BUB1B: variants seen among roughly 807,000 people sequenced by gnomAD.
The protein encoded by BUB1B is mitotic checkpoint serine/threonine-protein kinase BUB1 beta.
Under a neutral mutation model 137.7 loss-of-function variants are expected in BUB1B, and 86 were observed. The ratio of observed to expected loss-of-function variants is 0.62; its 90% CI spans 0.52 to 0.75. BUB1B has a LOEUF of 0.75. BUB1B is among the 30% of genes least tolerant of loss of function. The pLI, the probability that BUB1B is intolerant of heterozygous loss-of-function variation, is 0.00. For missense variants in BUB1B, 1,130 were observed against 1,236.9 expected (o/e 0.91, Z 1.30); for synonymous variants, 420 against 417.9 (o/e 1.00, Z -0.06).
chr15:40,186,674 T>TGACCTAGTGCG (rs1312150680), intron 8 of BUB1B, among the ~76,000 whole-genome samples: 1 of 151,368 alleles, frequency 6.6e-6, no homozygotes, highest in African/African-American at 2.4e-5. Flanking sequence ...CTCGATCTCC[T>TGACCTAGTGCG]GACCTAGTGA....
At chr15:40,181,521 TTTC>T (rs2037293773) in intron 5 of BUB1B, among the ~76,000 whole-genome samples, 1 of 152,214 alleles carries the variant, frequency 6.6e-6, no homozygotes, top group African/African-American at 2.4e-5. Flanking sequence ...CTATTATCTC[TTTC>T]TTCTTTCTCT....
intron 8 of BUB1B, among the ~76,000 whole-genome samples, chr15:40,193,765 G>A (rs1264474401): frequency 6.6e-6 from 1 of 152,060 alleles, no homozygotes; most frequent in Non-Finnish European, 1.5e-5. Context: ...GTGGTGGCAG[G>A]TGCCTGTAAT....
chr15:40,195,422 T>G (rs1170818317), intron 8 of BUB1B, among the ~76,000 whole-genome samples: 1 of 152,212 alleles, frequency 6.6e-6, no homozygotes, highest in East Asian at 1.9e-4. Context: ...TTTGCAGTTG[T>G]GAATTATGCT....
At chr15:40,196,848 A>G in intron 9 of BUB1B, 74 bp downstream of exon 9, 1 of 1,338,972 alleles carries the variant, frequency 7.5e-7, no homozygotes, top group Non-Finnish European at 1.1e-6. Context: ...TTAAGTCTGA[A>G]GAAAACTAAC....
At chr15:40,215,185 A>C (rs2037760455) in intron 20 of BUB1B, among the ~76,000 whole-genome samples, 1 of 152,194 alleles carries the variant, frequency 6.6e-6, no homozygotes, top group Admixed American at 6.5e-5. Context: ...AAAGCCAGAA[A>C]GGGGCCGAGC....
At chr15:40,219,283 A>T (rs975776778) in intron 22 of BUB1B, among the ~76,000 whole-genome samples, 3 of 152,194 alleles carry the variant, frequency 2.0e-5, no homozygotes, top group Non-Finnish European at 4.4e-5. Context: ...TTTCTAAACT[A>T]TATGCTAATT....
chr15:40,214,600 A>G (rs2037751864), intron 20 of BUB1B, among the ~76,000 whole-genome samples: 1 of 152,190 alleles, frequency 6.6e-6, no homozygotes, highest in Non-Finnish European at 1.5e-5. Flanking sequence ...AAGAGATTGA[A>G]TTAGACTCTA....
At chr15:40,188,859 G>A (rs1037643505) in intron 8 of BUB1B, among the ~76,000 whole-genome samples, 2 of 151,978 alleles carry the variant, frequency 1.3e-5, no homozygotes, top group Admixed American at 1.3e-4. Context: ...GGGATTACAG[G>A]CATGAGCCAC....
At chr15:40,192,555 T>TTC (rs893803702) in intron 8 of BUB1B, among the ~76,000 whole-genome samples, 8 of 152,204 alleles carry the variant, frequency 5.3e-5, no homozygotes, top group Non-Finnish European at 1.0e-4. Flanking sequence ...GTTCATCCCT[T>TTC]TCTCTCTCTC....
chr15:40,187,726 C>G (rs765660825), intron 8 of BUB1B, among the ~76,000 whole-genome samples: 13 of 151,860 alleles, frequency 8.6e-5, no homozygotes, highest in African/African-American at 3.1e-4. Context: ...CTGGGCAACA[C>G]AGGGAGACCC....
intron 8 of BUB1B, among the ~76,000 whole-genome samples, chr15:40,189,655 A>G (rs576893988): frequency 6.6e-6 from 1 of 152,170 alleles, no homozygotes; most frequent in Non-Finnish European, 1.5e-5. Flanking sequence ...GCTATTATGG[A>G]TAATGCTGCT....
At chr15:40,217,425 T>C in intron 20 of BUB1B, 71 bp from the exon 21 acceptor site, 2 of 1,532,646 alleles carry the variant, frequency 1.3e-6, no homozygotes, top group Non-Finnish European at 1.8e-6. Context: ...ACCTTTTTTT[T>C]TTAAAGACCA....
intron 15 of BUB1B, among the ~76,000 whole-genome samples, chr15:40,208,075 G>A (rs190352878): frequency 1.3e-4 from 20 of 150,400 alleles, no homozygotes; most frequent in Admixed American, 2.6e-4. Flanking sequence ...AGCCATGATC[G>A]CACCACTGCC....
intron 2 of BUB1B, 55 bp downstream of exon 2, chr15:40,165,251 TA>T: frequency 1.9e-6 from 3 of 1,611,710 alleles, no homozygotes; most frequent in Non-Finnish European, 1.7e-6. Flanking sequence ...ATGTTGTAGA[TA>T]ACGTGGGTGT....
chr15:40,180,567 A>T (rs1290551523), intron 5 of BUB1B, among the ~76,000 whole-genome samples: 1 of 147,130 alleles, frequency 6.8e-6, no homozygotes, highest in East Asian at 2.1e-4. Flanking sequence ...TACCCAGCCA[A>T]CATTTCTTTT....
chr15:40,217,661 C>T lies in BUB1B; in HGVS notation c.2844C>T (p.Pro948=). 1.2e-6 allele frequency: 2 copies of T among 1,614,180 alleles called. No homozygotes were observed. Among genetic ancestry groups the T allele is most frequent in the Non-Finnish European group, 1.7e-6 (2 of 1,180,010 alleles). Residue 948 remains proline (P), a synonymous_variant, in exon 21 of 23, where the codon CCC becomes CCT. Transcript: ENST00000287598. ...GQKILANCSS[P]YQVDLFGIAD... is the part of the protein sequence containing the mutation. ...AGATCCTGGCTAACTGTTCTTCTCCCTACCAGGTAAGTGTAAAACAAGCCT... is the reference window on the plus strand; with the variant it reads ...AGATCCTGGCTAACTGTTCTTCTCCTTACCAGGTAAGTGTAAAACAAGCCT...
rs1248608160 is a variant in BUB1B at position 40,206,396 on chromosome 15, T to C, written c.1947T>C (p.Ser649=). ...AAGAAGATCTAGATGTAAAGACCTC[T>C]GAGGACCAGCAGACAGCTTGTGGCA... is the stretch of plus-strand genomic sequence containing the variant. ...LPEEDLDVKT[S]EDQQTACGTI... is the part of the protein sequence containing the mutation. Residue 649 remains serine, a synonymous_variant, in exon 15 of 23, where the codon TCT becomes TCC. Coordinates refer to ENST00000287598, the MANE Select transcript of BUB1B (RefSeq NM_001211.6). The C allele has an allele frequency of 1.9e-6, 3 of 1,614,078 alleles. No individual in the cohort carries two copies. The highest frequency in any genetic ancestry group is 2.5e-6 in the Non-Finnish European group (3 of 1,180,038).
At chr15:40,187,387 A>G (rs1295177193) in intron 8 of BUB1B, among the ~76,000 whole-genome samples, 1 of 151,876 alleles carries the variant, frequency 6.6e-6, no homozygotes, top group African/African-American at 2.4e-5. Context: ...CAGCCTCCCA[A>G]AGTGCTGGGA....
At chr15:40,207,998 A>G (rs1180567382) in intron 15 of BUB1B, among the ~76,000 whole-genome samples, 1 of 145,040 alleles carries the variant, frequency 6.9e-6, no homozygotes, top group Non-Finnish European at 1.5e-5. Context: ...TTGTTTTACA[A>G]CCTTTCAGCT....
Sources: gnomAD v4.1 joint callset for allele counts (sites outside exome capture counted in the v4.1 genomes callset) on GRCh38, gnomAD v4.1.1 for gene constraint, MANE v1.5 for transcripts, NCBI Gene and HGNC (gene_info 2026-07-23, HGNC 2026-07-21) for gene names.